RANBP2: variants seen among roughly 807,000 people sequenced by gnomAD.
RANBP2 encodes the protein E3 SUMO-protein ligase RanBP2.
RANBP2 carries 57 observed loss-of-function variants against 303.6 expected under a neutral mutation model. That is an observed-to-expected ratio of 0.19 (90% confidence interval 0.15 to 0.23). RANBP2 has a LOEUF of 0.23. RANBP2 is among the 10% of genes least tolerant of loss of function. The pLI is 1.00. For synonymous variants in RANBP2, 1,167 were observed against 1,301.5 expected (o/e 0.90, Z 2.23); for missense variants, 3,138 against 3,780.8 (o/e 0.83, Z 4.46).
the RANBP2 span, among the ~76,000 whole-genome samples, chr2:109,633,827 T>C: frequency 0.22 from 32,998 of 151,992 alleles, 4,022 homozygotes; most frequent in Admixed American, 0.34. Flanking sequence ...GATGGGTTGA[T>C]GTGCAAAAAG....
chr2:108,979,499 ACG>A, the RANBP2 span, among the ~76,000 whole-genome samples: 2 of 148,040 alleles, frequency 1.4e-5, no homozygotes, highest in Admixed American at 6.7e-5. Flanking sequence ...ACACACACAC[ACG>A]CATGGCACAC....
At chr2:109,723,942 G>A in the RANBP2 span, among the ~76,000 whole-genome samples, 1 of 152,120 alleles carries the variant, frequency 6.6e-6, no homozygotes, top group East Asian at 1.9e-4. Context: ...GTTAATTTTT[G>A]TGTAAGGTGT....
chr2:109,577,413 G>A, the RANBP2 span, among the ~76,000 whole-genome samples: 1 of 152,004 alleles, frequency 6.6e-6, no homozygotes, highest in Non-Finnish European at 1.5e-5. Flanking sequence ...GGCCAACATG[G>A]TGAAACCCTG....
the RANBP2 span, among the ~76,000 whole-genome samples, chr2:109,290,394 C>CA: frequency 4.6e-5 from 7 of 152,228 alleles, no homozygotes; most frequent in Admixed American, 6.5e-5. Context: ...CATAAATACT[C>CA]AAAGTCCCTT....
chr2:108,931,107 C>A, the RANBP2 span: 5 of 1,215,714 alleles, frequency 4.1e-6, no homozygotes, highest in Admixed American at 8.6e-5. Context: ...TTATTTAACC[C>A]CACTGGATAT....
At chr2:108,744,462 T>C (rs1696355250) in intron 7 of RANBP2, among the ~76,000 whole-genome samples, 1 of 151,808 alleles carries the variant, frequency 6.6e-6, no homozygotes, top group Non-Finnish European at 1.5e-5. Context: ...GATTCACAAC[T>C]AATTAACTGG....
chr2:108,892,218 G>A, the RANBP2 span, among the ~76,000 whole-genome samples: 4 of 152,154 alleles, frequency 2.6e-5, no homozygotes, highest in African/African-American at 4.8e-5. Context: ...CAGTCCCAGT[G>A]GGGCTTGCTT....
the RANBP2 span, among the ~76,000 whole-genome samples, chr2:109,392,784 A>G: frequency 5.9e-5 from 9 of 151,854 alleles, no homozygotes; most frequent in Admixed American, 2.0e-4. Context: ...CAAAGTGCTG[A>G]GATTACAGGC....
At chr2:109,477,613 G>GGTGTGTGTGT in the RANBP2 span, among the ~76,000 whole-genome samples, 17 of 149,450 alleles carry the variant, frequency 1.1e-4, no homozygotes, top group South Asian at 4.3e-4. Flanking sequence ...GCCACAGATG[G>GGTGTGTGTGT]GTGTGTGTGT....
chr2:109,078,257 A>ATATT, the RANBP2 span, among the ~76,000 whole-genome samples: 1 of 57,998 alleles, frequency 1.7e-5, no homozygotes, highest in African/African-American at 7.7e-5. Flanking sequence ...GTATATATAT[A>ATATT]TATATAGCGC....
chr2:109,610,703 G>A, the RANBP2 span, among the ~76,000 whole-genome samples: 1 of 151,972 alleles, frequency 6.6e-6, no homozygotes, highest in Non-Finnish European at 1.5e-5. Flanking sequence ...GTGACAAAGC[G>A]ACATTCCGTC....
chr2:109,673,460 G>C, the RANBP2 span, among the ~76,000 whole-genome samples: 1 of 152,208 alleles, frequency 6.6e-6, no homozygotes, highest in African/African-American at 2.4e-5. Flanking sequence ...GCTGTAAACA[G>C]ACAGGTCCCT....
At chr2:108,747,224 C>G (rs1032344843) in intron 8 of RANBP2, among the ~76,000 whole-genome samples, 5 of 152,144 alleles carry the variant, frequency 3.3e-5, no homozygotes, top group Admixed American at 3.3e-4. Flanking sequence ...ATATACTTAC[C>G]TTATATTAGG....
the RANBP2 span, among the ~76,000 whole-genome samples, chr2:109,123,353 TC>T: frequency 6.6e-6 from 1 of 151,010 alleles, no homozygotes; most frequent in South Asian, 2.1e-4. Flanking sequence ...CTTCCTTCCT[TC>T]CTTCCTTCCT....
At chr2:109,296,433 G>A in the RANBP2 span, among the ~76,000 whole-genome samples, 1 of 151,830 alleles carries the variant, frequency 6.6e-6, no homozygotes, top group African/African-American at 2.4e-5. Context: ...GTAGGGATGG[G>A]GTTTTACCAT....
chr2:108,949,988 G>A, the RANBP2 span, among the ~76,000 whole-genome samples: 36 of 152,298 alleles, frequency 2.4e-4, no homozygotes, highest in South Asian at 7.0e-3. Context: ...TGTGGAGATT[G>A]GGTGCAGCAA....
chr2:108,877,668 T>C, the RANBP2 span, among the ~76,000 whole-genome samples: 14 of 152,262 alleles, frequency 9.2e-5, no homozygotes, highest in Admixed American at 2.0e-4. Context: ...TGGCAGCATT[T>C]GGTGTCTCTG....
At chr2:109,561,730 A>C in the RANBP2 span, among the ~76,000 whole-genome samples, 1 of 152,292 alleles carries the variant, frequency 6.6e-6, no homozygotes, top group South Asian at 2.1e-4. Flanking sequence ...GTCAATAACG[A>C]TCACCACCAG....
At chr2:108,889,491 G>C in the RANBP2 span, among the ~76,000 whole-genome samples, 11 of 151,814 alleles carry the variant, frequency 7.2e-5, no homozygotes, top group Non-Finnish European at 1.5e-4. Flanking sequence ...TATATATTTA[G>C]AATAATTATA....
Sources: allele counts gnomAD v4.1 joint callset (sites outside exome capture counted in the v4.1 genomes callset), GRCh38; gene constraint gnomAD v4.1.1; transcripts MANE v1.5; gene names NCBI Gene and HGNC (gene_info 2026-07-23, HGNC 2026-07-21).